The following CTBP2 variants were observed in gnomAD, a reference collection of about 807,000 sequenced individuals.
The protein encoded by CTBP2 is C-terminal binding protein 2.
CTBP2 carries 30 observed loss-of-function variants against 80.3 expected under a neutral mutation model. The observed-to-expected ratio is 0.37, with a 90% confidence interval of 0.28 to 0.51. The LOEUF is 0.51. Ranked by LOEUF, CTBP2 falls within the 20% of genes least tolerant of loss-of-function variation. The pLI is 0.93. For missense variants in CTBP2, 1,212 were observed against 1,375.3 expected, an observed-to-expected ratio of 0.88 and a Z score of 1.88; for synonymous variants, 594 against 587.4, an observed-to-expected ratio of 1.01 and a Z score of -0.16.
At chr10:125,142,111 C>T (rs1857932785) in intron 1 of CTBP2, among the ~76,000 whole-genome samples, 1 of 152,216 alleles carries the variant, frequency 6.6e-6, no homozygotes, top group African/African-American at 2.4e-5. Flanking sequence ...ACTGCCCACT[C>T]TTGGGTTTGC....
intron 2 of CTBP2, among the ~76,000 whole-genome samples, chr10:125,109,304 C>A (rs901261967): frequency 2.0e-5 from 3 of 152,192 alleles, no homozygotes; most frequent in Non-Finnish European, 4.4e-5. Flanking sequence ...CGTGGATGTC[C>A]AACATGGCCA....
intron 2 of CTBP2, among the ~76,000 whole-genome samples, chr10:125,085,165 C>T (rs1051201874): frequency 6.6e-6 from 1 of 152,134 alleles, no homozygotes; most frequent in Non-Finnish European, 1.5e-5. Flanking sequence ...AGAAATGAGG[C>T]GGATTGCAAA....
chr10:125,084,069 C>T (rs941805141), intron 2 of CTBP2, among the ~76,000 whole-genome samples: 5 of 152,232 alleles, frequency 3.3e-5, no homozygotes, highest in East Asian at 3.8e-4. Context: ...GTGTGAGCCA[C>T]GGCGCCTGGC....
intron 4 of CTBP2, chr10:124,996,791 G>A (rs1012433321): frequency 6.6e-6 from 1 of 152,172 alleles, no homozygotes; most frequent in African/African-American, 2.4e-5. Flanking sequence ...CGAGCCATGA[G>A]GCCCAGTGGG....
At chr10:125,053,788 A>G (rs2135240529) in intron 2 of CTBP2, among the ~76,000 whole-genome samples, 1 of 152,280 alleles carries the variant, frequency 6.6e-6, no homozygotes, top group South Asian at 2.1e-4. Context: ...TGGGAACTTC[A>G]CTTGGAAAAG....
chr10:124,991,186 CAG>C (rs762273841), intron 8 of CTBP2, among the ~76,000 whole-genome samples: 9 of 152,230 alleles, frequency 5.9e-5, no homozygotes, highest in Non-Finnish European at 1.5e-5. Flanking sequence ...AAGTGGGACT[CAG>C]TGTATTCACA....
intron 2 of CTBP2, among the ~76,000 whole-genome samples, chr10:125,074,100 G>C (rs879879139): frequency 3.3e-5 from 5 of 152,146 alleles, no homozygotes; most frequent in African/African-American, 7.2e-5. Flanking sequence ...ATGTTCATAA[G>C]CCTGGCCTCT....
At chr10:125,157,798 T>C (rs1183648749) in intron 1 of CTBP2, among the ~76,000 whole-genome samples, 1 of 152,238 alleles carries the variant, frequency 6.6e-6, no homozygotes, top group African/African-American at 2.4e-5. Context: ...CCAACTTCAA[T>C]GGCAACTGTA....
chr10:125,037,075 A>G (rs1426174902), intron 3 of CTBP2, among the ~76,000 whole-genome samples: 2 of 152,226 alleles, frequency 1.3e-5, no homozygotes, highest in South Asian at 2.1e-4. Flanking sequence ...TTTAAAATAT[A>G]TAACTGCAAA....
At chr10:125,002,394 G>A (rs1433224551) in intron 3 of CTBP2, among the ~76,000 whole-genome samples, 1 of 152,224 alleles carries the variant, frequency 6.6e-6, no homozygotes, top group Non-Finnish European at 1.5e-5. Context: ...CCCCAACTCT[G>A]GGTTCCCGCC....
chr10:125,125,273 T>G (rs1400309207), intron 1 of CTBP2, among the ~76,000 whole-genome samples: 1 of 152,214 alleles, frequency 6.6e-6, no homozygotes, highest in Non-Finnish European at 1.5e-5. Context: ...CATATTCAAT[T>G]GCTTATTTGC....
intron 2 of CTBP2, among the ~76,000 whole-genome samples, chr10:125,098,762 G>GAGAGAGAGAGAGAC (rs1850124487): frequency 7.0e-5 from 9 of 128,176 alleles, no homozygotes; most frequent in African/African-American, 2.5e-4. Flanking sequence ...GAGAGAGAGA[G>GAGAGAGAGAGAGAC]AGAGAGAGAG....
intron 2 of CTBP2, among the ~76,000 whole-genome samples, chr10:125,069,325 A>G (rs1322001260): frequency 2.0e-5 from 3 of 152,188 alleles, no homozygotes; most frequent in African/African-American, 7.2e-5. Context: ...ACACACAAAA[A>G]TACTGCCTAT....
chr10:125,142,510 C>G, intron 1 of CTBP2, among the ~76,000 whole-genome samples: 1 of 152,140 alleles, frequency 6.6e-6, no homozygotes, highest in Non-Finnish European at 1.5e-5. Flanking sequence ...CATAGGAGCA[C>G]AGAGAACTTT....
rs146951852 is a variant in CTBP2 at position 124,992,704 on chromosome 10, G to A, written c.2768C>T (p.Ala923Val). The change falls in exon 8 of 9, where the codon GCC (alanine) becomes GTC (valine). Residue 923 changes from alanine to valine, a missense_variant. Coordinates refer to ENST00000309035, the MANE Select transcript of CTBP2 (RefSeq NM_022802.3). ...CAGTTCCTTTTCTCACCTGTATGTG[G>A]CACCATTGAGCTCAGGATGAATTGC... 3.1e-6 allele frequency: 5 copies of A among 1,603,730 alleles called. No individual in the cohort carries two copies. The highest frequency in any genetic ancestry group is 4.3e-6 in the Non-Finnish European group (5 of 1,174,344).
In CTBP2 at chr10:125,003,084, G is replaced by A. The variant is rs368944665; in HGVS notation, c.1854C>T (p.Gly618=). ...GGGTGATGGTGTGGTACATCATGGC[G>A]CCCACGGCTTCGTTTAGAACCTGCG... is the stretch of plus-strand genomic sequence containing the variant. Residue 618 remains glycine (G), a synonymous_variant, in exon 3 of 9, where the codon GGC becomes GGT. Transcript: ENST00000309035. 22 of 1,613,894 alleles carry A rather than the reference G, an allele frequency of 1.4e-5. No individual in the cohort carries two copies. The South Asian group carries it at 1.4e-4, about 10-fold the overall frequency.
chr10:125,071,404 G>A (rs1246454137), intron 2 of CTBP2, among the ~76,000 whole-genome samples: 1 of 152,248 alleles, frequency 6.6e-6, no homozygotes, highest in Non-Finnish European at 1.5e-5. Flanking sequence ...AAGCAGCAAA[G>A]CCGGCTAACA....
intron 1 of CTBP2, among the ~76,000 whole-genome samples, chr10:125,153,922 C>T (rs1860462961): frequency 6.6e-6 from 1 of 151,978 alleles, no homozygotes; most frequent in African/African-American, 2.4e-5. Flanking sequence ...ACTTTACAAG[C>T]CCTGAGCTTG....
intron 2 of CTBP2, among the ~76,000 whole-genome samples, chr10:125,069,212 T>C (rs1312929754): frequency 6.6e-6 from 1 of 152,204 alleles, no homozygotes; most frequent in Non-Finnish European, 1.5e-5. Flanking sequence ...GGACCTTCTA[T>C]TGACAACACT....
Sources: allele counts gnomAD v4.1 joint callset (sites outside exome capture counted in the v4.1 genomes callset), GRCh38; gene constraint gnomAD v4.1.1; transcripts MANE v1.5; gene names NCBI Gene and HGNC (gene_info 2026-07-23, HGNC 2026-07-21).